Variants in HYDIN observed in about 807,000 individuals in gnomAD.
HYDIN encodes the protein HYDIN axonemal central pair apparatus protein.
HYDIN carries 132 observed loss-of-function variants against 403.9 expected under a neutral mutation model. The observed-to-expected ratio is 0.33, with a 90% CI of 0.28 to 0.38. The LOEUF is 0.38. Ranked by LOEUF, HYDIN falls within the 10% of genes least tolerant of loss-of-function variation. The pLI is 1.00. For synonymous variants in HYDIN, 1,202 were observed against 1,891.7 expected (o/e 0.64, Z 9.46); for missense variants, 2,827 against 5,009.5 (o/e 0.56, Z 13.15).
At position 70,803,718 on chromosome 16, in the gene HYDIN, C is replaced by A. The variant is rs907170128; in HGVS notation, c.*3862G>T. On this transcript the variant is annotated 3_prime_UTR_variant, in exon 86 of 86. Transcript: ENST00000393567. The stretch of plus-strand genomic sequence containing the variant: ...TGTAATTGTAGCTGGAGTTTCAGGG[C>A]AACAGGGTTTAAGGTATTAGGTAGA... Among the ~76,000 whole-genome samples, 3 of 152,214 alleles carry A rather than the reference C, an allele frequency of 2.0e-5. No individual in the cohort carries two copies. The highest frequency in any genetic ancestry group is 2.9e-5 in the Non-Finnish European group (2 of 68,036).
In HYDIN at chr16:71,003,509, A is replaced by G. The variant is rs373466829; in HGVS notation, c.3645-11299T>C. 1.1e-4 allele frequency among the ~76,000 whole-genome samples: 16 copies of G among 151,812 alleles called. No homozygotes were observed. In the South Asian group the frequency reaches 2.1e-3, roughly 20 times the overall value. The stretch of plus-strand genomic sequence containing the variant: ...GTTGTTGCTGCTATACAGAAATGCA[A>G]TTGAGGTTGGGTGTGTTGGCTCATG... On this transcript the variant is annotated intron_variant, in intron 23 of 85. Coordinates refer to ENST00000393567, the MANE Select transcript of HYDIN (RefSeq NM_001270974.2).
intron 36 of HYDIN, among the ~76,000 whole-genome samples, chr16:70,965,874 G>A (rs1002690964): frequency 4.6e-5 from 7 of 152,126 alleles, no homozygotes; most frequent in Non-Finnish European, 8.8e-5. Context: ...GCCTTATCAG[G>A]AAGCTGTAGT....
At chr16:71,152,502 C>T (rs1252552929) in intron 7 of HYDIN, among the ~76,000 whole-genome samples, 157 bp downstream of exon 7, 1 of 151,362 alleles carries the variant, frequency 6.6e-6, no homozygotes, top group South Asian at 2.1e-4. Flanking sequence ...GTCTTTTATC[C>T]CTCACCCTCC....
At chr16:71,189,318 G>C (rs1186454413) in intron 1 of HYDIN, among the ~76,000 whole-genome samples, 4 of 152,056 alleles carry the variant, frequency 2.6e-5, no homozygotes, top group African/African-American at 7.2e-5. Flanking sequence ...TGTTGATTTT[G>C]AACCATGTAA....
At chr16:70,979,422 C>A (rs550244402) in intron 29 of HYDIN, among the ~76,000 whole-genome samples, 1 of 152,078 alleles carries the variant, frequency 6.6e-6, no homozygotes, top group African/African-American at 2.4e-5. Flanking sequence ...CAAACCCAGA[C>A]AGCCGGTCAC....
At chr16:70,819,380 A>G (rs1217600208) in intron 83 of HYDIN, among the ~76,000 whole-genome samples, 1 of 151,600 alleles carries the variant, frequency 6.6e-6, no homozygotes, top group African/African-American at 2.4e-5. Context: ...TTAACCTTTT[A>G]AAATTTAATT....
intron 41 of HYDIN, among the ~76,000 whole-genome samples, chr16:70,951,280 G>GA (rs374423007): frequency 0.011 from 1,600 of 141,662 alleles, 71 homozygotes; most frequent in African/African-American, 0.04. Context: ...GAGAGAGAGA[G>GA]GGAGAGAGGG....
At chr16:71,115,831 G>A (rs760254252) in intron 9 of HYDIN, 36 bp from the exon 10 acceptor site, 6 of 745,456 alleles carry the variant, frequency 8.0e-6, no homozygotes, top group Non-Finnish European at 1.2e-5. Flanking sequence ...AAAACAATAT[G>A]ACAAAAGAAA....
intron 1 of HYDIN, among the ~76,000 whole-genome samples, chr16:71,207,140 T>C (rs1239668790): frequency 1.3e-5 from 2 of 152,014 alleles, no homozygotes; most frequent in African/African-American, 4.8e-5. Flanking sequence ...CCTCCAAGGT[T>C]GAAATGAAGG....
chr16:70,862,250 C>T lies in HYDIN; in HGVS notation c.11575G>A (p.Ala3859Thr). ...SFAKPDHQGSAQKDQLSQGTM... is the reference protein window; with the variant it reads ...SFAKPDHQGSTQKDQLSQGTM... ...CCCTGACTAAGCTGATCTTTTTGAGCTGAACCTGGGGACAGACAGGGAGTG... is the reference window on the plus strand; with the variant it reads ...CCCTGACTAAGCTGATCTTTTTGAGTTGAACCTGGGGACAGACAGGGAGTG... Residue 3859 changes from alanine (A) to threonine (T), a missense_variant, in exon 69 of 86, where the codon GCT becomes ACT. Coordinates refer to ENST00000393567, the MANE Select transcript of HYDIN (RefSeq NM_001270974.2). 1 of 1,611,064 alleles carries T rather than the reference C, an allele frequency of 6.2e-7. No individual in the cohort carries two copies. Among genetic ancestry groups the T allele is most frequent in the Non-Finnish European group, 8.5e-7 (1 of 1,179,418 alleles).
chr16:70,830,927 T>C (rs1832015892), intron 80 of HYDIN, among the ~76,000 whole-genome samples: 2 of 151,716 alleles, frequency 1.3e-5, no homozygotes, highest in Admixed American at 1.3e-4. Flanking sequence ...CAGATAAAGA[T>C]TTGGGAGTTG....
chr16:70,803,641 A>T lies in HYDIN; in HGVS notation c.*3939T>A, dbSNP rs1202928705. On this transcript the variant is annotated 3_prime_UTR_variant, in exon 86 of 86. Transcript: ENST00000393567. Reference sequence around the variant, plus strand: ...AGCAAGAGGCTGCTGATGACATTGTAAGAAATTGTACCAAAATCTTGAACT... The same window carrying T: ...AGCAAGAGGCTGCTGATGACATTGTTAGAAATTGTACCAAAATCTTGAACT... 6.6e-6 allele frequency among the ~76,000 whole-genome samples: 1 copy of T among 152,252 alleles called. No homozygotes were observed. The highest frequency in any genetic ancestry group is 1.5e-5 in the Non-Finnish European group (1 of 68,038).
At chr16:71,099,958 ACATCACTTGCACTCCAGCCTGGGC>A (rs1176542146) in intron 10 of HYDIN, among the ~76,000 whole-genome samples, 3 of 152,204 alleles carry the variant, frequency 2.0e-5, no homozygotes, top group African/African-American at 7.2e-5. Context: ...AGCTATGATC[ACATCACTTGCACTCCAGCCTGGGC>A]AACAGAGCAA....
chr16:71,192,844 G>GTTAA (rs547238666), intron 1 of HYDIN, among the ~76,000 whole-genome samples: 128 of 152,232 alleles, frequency 8.4e-4, no homozygotes, highest in Admixed American at 6.0e-3. Flanking sequence ...AATAAATGTG[G>GTTAA]TTAATTAATT....
intron 53 of HYDIN, among the ~76,000 whole-genome samples, chr16:70,900,704 C>A (rs2076344730): frequency 6.7e-6 from 1 of 148,254 alleles, no homozygotes. Context: ...ATAGCAACAC[C>A]ATTTGTTCAT....
At chr16:70,854,104 T>G (rs1250754166) in intron 73 of HYDIN, among the ~76,000 whole-genome samples, 1 of 151,910 alleles carries the variant, frequency 6.6e-6, no homozygotes, top group African/African-American at 2.4e-5. Flanking sequence ...AGTCTCGAAC[T>G]CCTGACCTCA....
chr16:70,931,208 CTGTT>C (rs1364372083), intron 45 of HYDIN, among the ~76,000 whole-genome samples: 6 of 78,242 alleles, frequency 7.7e-5, no homozygotes, highest in East Asian at 3.1e-4. Context: ...TCTCTTTCTT[CTGTT>C]TTTTTTTTTT....
At chr16:71,053,805 G>C (rs2081754609) in intron 18 of HYDIN, among the ~76,000 whole-genome samples, 1 of 152,072 alleles carries the variant, frequency 6.6e-6, no homozygotes, top group Non-Finnish European at 1.5e-5. Context: ...TAAAGGATCT[G>C]AGGTAAATAA....
chr16:71,032,307 GTTT>G (rs11406376), intron 18 of HYDIN, among the ~76,000 whole-genome samples: 8 of 126,434 alleles, frequency 6.3e-5, no homozygotes, highest in African/African-American at 2.4e-4. Context: ...TTTCCTTTTT[GTTT>G]TTTTTTTTTT....
Sources: gnomAD v4.1 joint callset for allele counts (sites outside exome capture counted in the v4.1 genomes callset) on GRCh38, gnomAD v4.1.1 for gene constraint, MANE v1.5 for transcripts, NCBI Gene and HGNC (gene_info 2026-07-23, HGNC 2026-07-21) for gene names.